Variants in CECR2 observed in about 807,000 individuals in gnomAD.
The protein encoded by CECR2 is CECR2 histone acetyl-lysine reader.
A neutral mutation model predicts 154.5 loss-of-function variants in CECR2; 30 were observed. That is an observed-to-expected ratio of 0.19 (90% CI 0.15 to 0.26). CECR2 has a LOEUF of 0.26. Ranked by LOEUF, CECR2 falls within the 10% of genes least tolerant of loss-of-function variation. CECR2 has a pLI of 1.00. For synonymous variants in CECR2, 725 were observed against 683.7 expected (o/e 1.06, Z -0.94); for missense variants, 1,743 against 1,829.3 (o/e 0.95, Z 0.86).
At chr22:17,439,078 T>C (rs2054547625) in intron 1 of CECR2, among the ~76,000 whole-genome samples, 1 of 152,024 alleles carries the variant, frequency 6.6e-6, no homozygotes, top group African/African-American at 2.4e-5. Flanking sequence ...AAAATTAATG[T>C]GTACTACTTG....
At chr22:17,525,652 G>A (rs1051733005) in intron 9 of CECR2, among the ~76,000 whole-genome samples, 1 of 152,326 alleles carries the variant, frequency 6.6e-6, no homozygotes, top group South Asian at 2.1e-4. Context: ...GGTTTAGCCT[G>A]TGTCATACTA....
chr22:17,537,010 G>T, intron 9 of CECR2, 93 bp from the exon 10 acceptor site: 1 of 1,463,354 alleles, frequency 6.8e-7, no homozygotes, highest in South Asian at 1.3e-5. Context: ...TGCTTTGGTG[G>T]CCTGGTTCTT....
In CECR2 at chr22:17,548,143, T is replaced by G. The variant is rs202228104; in HGVS notation, c.2861-5T>G. ...TTTTTCTCCTCTTTTTTTTTTTTTT[T>G]GCAGCAGAGCCGTTGCCTGGCCTTG... On this transcript the variant is annotated splice_region_variant and splice_polypyrimidine_tract_variant and intron_variant, in intron 16 of 18. Coordinates refer to ENST00000262608, the MANE Select transcript of CECR2 (RefSeq NM_001290047.2). 30,445 of 1,461,120 alleles carry G rather than the reference T, an allele frequency of 0.021. 136 individuals are homozygous for G. Among genetic ancestry groups the G allele is most frequent in the Non-Finnish European group, 0.024 (26,905 of 1,103,854 alleles). 90.5% of individuals were successfully genotyped at this position (1,461,120 alleles called of 1,614,324 possible).
At chr22:17,443,406 A>G (rs1318760011) in intron 1 of CECR2, among the ~76,000 whole-genome samples, 1 of 152,188 alleles carries the variant, frequency 6.6e-6, no homozygotes, top group African/African-American at 2.4e-5. Context: ...TTCAGAAAGG[A>G]AAAAAGGGCA....
intron 1 of CECR2, among the ~76,000 whole-genome samples, chr22:17,404,633 A>G (rs2053954325): frequency 7.6e-6 from 1 of 130,800 alleles, no homozygotes; most frequent in Non-Finnish European, 1.6e-5. Context: ...TCGGCCTCCC[A>G]AAGTGCTGGG....
At chr22:17,384,042 C>T (rs1292268939) in intron 1 of CECR2, among the ~76,000 whole-genome samples, 1 of 152,070 alleles carries the variant, frequency 6.6e-6, no homozygotes, top group Non-Finnish European at 1.5e-5. Context: ...CCACTGAAGT[C>T]TTGAACCCCT....
At chr22:17,487,374 G>C (rs1489962948) in intron 2 of CECR2, among the ~76,000 whole-genome samples, 1 of 152,186 alleles carries the variant, frequency 6.6e-6, no homozygotes, top group East Asian at 1.9e-4. Flanking sequence ...GAATCAAACT[G>C]TGTTTTGAGC....
At chr22:17,476,270 T>G (rs1322436170) in intron 1 of CECR2, among the ~76,000 whole-genome samples, 1 of 151,494 alleles carries the variant, frequency 6.6e-6, no homozygotes, top group Non-Finnish European at 1.5e-5. Flanking sequence ...TGATTTGTGT[T>G]TTTTGTTTGT....
intron 1 of CECR2, among the ~76,000 whole-genome samples, chr22:17,382,169 C>T (rs543177192): frequency 6.8e-4 from 104 of 151,868 alleles, no homozygotes; most frequent in Admixed American, 9.8e-4. Context: ...GGATTACAGG[C>T]GTGAGCCACT....
intron 6 of CECR2, among the ~76,000 whole-genome samples, chr22:17,504,005 C>G (rs953370671): frequency 1.3e-5 from 2 of 151,200 alleles, no homozygotes; most frequent in African/African-American, 4.9e-5. Flanking sequence ...TGAGATGGTG[C>G]CCCTGAACTC....
intron 9 of CECR2, among the ~76,000 whole-genome samples, chr22:17,524,692 CTTTTTTTTTT>C (rs1188195849): frequency 2.3e-5 from 1 of 44,306 alleles, no homozygotes; most frequent in African/African-American, 1.2e-4. Context: ...ATGCCTGGCC[CTTTTTTTTTT>C]TTTTTTTTTT....
intron 1 of CECR2, among the ~76,000 whole-genome samples, chr22:17,394,198 T>TGC (rs1491337456): frequency 6.3e-5 from 2 of 31,802 alleles, no homozygotes; most frequent in Admixed American, 3.3e-4. Flanking sequence ...CTGCCGCTGC[T>TGC]TTTTTTTTTT....
chr22:17,478,815 C>T (rs951461859), intron 2 of CECR2, among the ~76,000 whole-genome samples: 4 of 152,060 alleles, frequency 2.6e-5, no homozygotes, highest in Admixed American at 2.0e-4. Context: ...AGTTATTGCT[C>T]GTGCACTAAG....
intron 1 of CECR2, among the ~76,000 whole-genome samples, chr22:17,381,884 AT>A (rs35781889): frequency 0.029 from 4,032 of 140,350 alleles, 55 homozygotes; most frequent in African/African-American, 0.043. Context: ...GAGCCCCCAC[AT>A]TTTTTTTTTT....
chr22:17,503,178 C>G (rs781146812), intron 6 of CECR2, 47 bp downstream of exon 6: 2 of 1,522,352 alleles, frequency 1.3e-6, no homozygotes, highest in Non-Finnish European at 1.8e-6. Context: ...AAATATGATT[C>G]ATTTATGCTA....
At chr22:17,456,438 C>T (rs1178076994) in intron 1 of CECR2, among the ~76,000 whole-genome samples, 1 of 152,166 alleles carries the variant, frequency 6.6e-6, no homozygotes, top group Non-Finnish European at 1.5e-5. Flanking sequence ...AAGTGATCTA[C>T]TTTTCAGTGC....
intron 1 of CECR2, among the ~76,000 whole-genome samples, chr22:17,461,900 C>G (rs1456407064): frequency 6.6e-6 from 1 of 150,644 alleles, no homozygotes; most frequent in African/African-American, 2.4e-5. Context: ...TCAAGTGATT[C>G]TCCTCCCTCA....
chr22:17,501,795 A>C (rs1245561741), intron 5 of CECR2, among the ~76,000 whole-genome samples: 3 of 152,186 alleles, frequency 2.0e-5, no homozygotes, highest in Non-Finnish European at 4.4e-5. Context: ...CCGTTTCCCC[A>C]TAAGTATCAA....
rs1410783821 is a variant in CECR2, at chr22:17,540,688, G to A, written c.1772G>A (p.Ser591Asn). Residue 591 changes from serine to asparagine, a missense_variant, in exon 14 of 19, where the codon AGC (serine) becomes AAC (asparagine). Transcript: ENST00000262608. ...GCGCCCTCTTCTGGGGACGATCAGAGCAGCAGCTCCACACAGCCCCCGCGG... is the reference window on the plus strand; with the variant it reads ...GCGCCCTCTTCTGGGGACGATCAGAACAGCAGCTCCACACAGCCCCCGCGG... ...RRAPSSGDDQSSSSTQPPREV... is the reference protein window; with the variant it reads ...RRAPSSGDDQNSSSTQPPREV... 3 of 1,613,928 alleles carry A rather than the reference G, an allele frequency of 1.9e-6. No homozygotes were observed. The highest frequency in any genetic ancestry group is 1.3e-5 in the African/African-American group (1 of 75,070).
Sources: allele counts gnomAD v4.1 joint callset (sites outside exome capture counted in the v4.1 genomes callset), GRCh38; gene constraint gnomAD v4.1.1; transcripts MANE v1.5; gene names NCBI Gene and HGNC (gene_info 2026-07-23, HGNC 2026-07-21).